The following DNAJC1 variants were observed in gnomAD, a reference collection of about 807,000 sequenced individuals.
DNAJC1 encodes the protein DnaJ heat shock protein family (Hsp40) member C1.
Under a neutral mutation model 76.6 loss-of-function variants are expected in DNAJC1, and 58 were observed. The ratio of observed to expected loss-of-function variants is 0.76; its 90% CI spans 0.61 to 0.94. The LOEUF is 0.94. Among genes scored for constraint, DNAJC1 ranks in the 40% least tolerant of loss-of-function variants. The probability of loss-of-function intolerance (pLI) is 0.00; values close to 1 mark genes in which losing one functional copy is unlikely to be tolerated. For missense variants in DNAJC1, 689 were observed against 677.3 expected (o/e 1.02, Z -0.19); for synonymous variants, 258 against 267.9 (o/e 0.96, Z 0.36).
At chr10:21,762,656 C>G (rs1405467350) in intron 10 of DNAJC1, among the ~76,000 whole-genome samples, 1 of 152,184 alleles carries the variant, frequency 6.6e-6, no homozygotes, top group Non-Finnish European at 1.5e-5. Context: ...GTCACCCAGG[C>G]TGGAGTGCAG....
At chr10:21,837,048 T>C (rs1369542046) in intron 8 of DNAJC1, among the ~76,000 whole-genome samples, 1 of 152,230 alleles carries the variant, frequency 6.6e-6, no homozygotes, top group African/African-American at 2.4e-5. Flanking sequence ...GTGCCTGGGA[T>C]TGCAGGCGTG....
chr10:21,996,642 A>G (rs1252003485), intron 1 of DNAJC1, among the ~76,000 whole-genome samples: 5 of 152,228 alleles, frequency 3.3e-5, no homozygotes, highest in African/African-American at 7.2e-5. Context: ...ATATTCTAAG[A>G]GTGTTCTCAT....
At chr10:21,838,180 A>T (rs1326144085) in intron 8 of DNAJC1, among the ~76,000 whole-genome samples, 1 of 152,190 alleles carries the variant, frequency 6.6e-6, no homozygotes. Context: ...TGTCGAATAG[A>T]AAAGGGGGAA....
intron 8 of DNAJC1, among the ~76,000 whole-genome samples, chr10:21,838,740 A>C (rs138342202): frequency 0.059 from 8,930 of 152,230 alleles, 533 homozygotes; most frequent in African/African-American, 0.15. Flanking sequence ...CAGCTCTTCA[A>C]CAAGCAGACC....
intron 1 of DNAJC1, among the ~76,000 whole-genome samples, chr10:21,994,515 G>A (rs771587828): frequency 4.6e-5 from 7 of 152,132 alleles, no homozygotes; most frequent in East Asian, 1.9e-4. Context: ...TTGGCCAGGC[G>A]CGGTGGCTCA....
In DNAJC1 at chr10:21,930,034, G is replaced by A. The variant is rs189348629; in HGVS notation, c.223-893C>T. ...TCTACCACCCAGGCTGGAGTGCGGC[G>A]GCACAATCTCAGCTCACTGCAACCT... On this transcript the variant is annotated intron_variant, in intron 1 of 11. Transcript: ENST00000376980. 7.2e-5 allele frequency among the ~76,000 whole-genome samples: 11 copies of A among 152,224 alleles called. No homozygotes were observed. The East Asian group carries it at 7.7e-4, about 11-fold the overall frequency.
intron 1 of DNAJC1, among the ~76,000 whole-genome samples, chr10:21,935,386 G>GA (rs532813502): frequency 2.0e-3 from 308 of 152,134 alleles, no homozygotes; most frequent in African/African-American, 7.2e-3. Flanking sequence ...TGAGTAGGCA[G>GA]AAGAAACAAT....
intron 8 of DNAJC1, among the ~76,000 whole-genome samples, chr10:21,882,064 G>A (rs1055324272): frequency 3.9e-5 from 6 of 152,088 alleles, no homozygotes; most frequent in African/African-American, 7.2e-5. Context: ...TAAGGCAGGC[G>A]AATGGCATGA....
At chr10:21,838,797 ATTC>A (rs1835518724) in intron 8 of DNAJC1, among the ~76,000 whole-genome samples, 1 of 152,280 alleles carries the variant, frequency 6.6e-6, no homozygotes, top group African/African-American at 2.4e-5. Flanking sequence ...CAGAATATAC[ATTC>A]TTTTCAGCAC....
chr10:21,807,516 G>T (rs2131642936), intron 8 of DNAJC1, among the ~76,000 whole-genome samples: 1 of 152,282 alleles, frequency 6.6e-6, no homozygotes, highest in South Asian at 2.1e-4. Flanking sequence ...CCCTGTTAAA[G>T]GGCTTTCCGA....
At chr10:21,963,375 G>A (rs1837834189) in intron 1 of DNAJC1, among the ~76,000 whole-genome samples, 2 of 152,100 alleles carry the variant, frequency 1.3e-5, no homozygotes, top group South Asian at 4.1e-4. Context: ...GGTGTGTAAG[G>A]AAAATAGAAT....
intron 9 of DNAJC1, among the ~76,000 whole-genome samples, chr10:21,776,460 T>A (rs1834455020): frequency 6.6e-6 from 1 of 152,228 alleles, no homozygotes; most frequent in Admixed American, 6.5e-5. Context: ...TTTTCATTTG[T>A]TAAATTTACT....
chr10:21,918,437 T>G (rs578145243), intron 6 of DNAJC1, among the ~76,000 whole-genome samples: 1 of 151,048 alleles, frequency 6.6e-6, no homozygotes, highest in African/African-American at 2.4e-5. Flanking sequence ...GGTGGCAAGC[T>G]ACTTGAATAC....
chr10:21,823,370 C>T (rs1199316714), intron 8 of DNAJC1, among the ~76,000 whole-genome samples: 1 of 152,170 alleles, frequency 6.6e-6, no homozygotes, highest in African/African-American at 2.4e-5. Context: ...ATGGATCAAA[C>T]CACAGCATGA....
At chr10:21,964,914 T>A (rs545224484) in intron 1 of DNAJC1, among the ~76,000 whole-genome samples, 1 of 152,298 alleles carries the variant, frequency 6.6e-6, no homozygotes, top group African/African-American at 2.4e-5. Flanking sequence ...TTGTAGATAA[T>A]CTGTCTTTTC....
At chr10:21,931,330 T>C (rs1432821720) in intron 1 of DNAJC1, among the ~76,000 whole-genome samples, 1 of 152,206 alleles carries the variant, frequency 6.6e-6, no homozygotes, top group Non-Finnish European at 1.5e-5. Flanking sequence ...ACACAAATAT[T>C]GCCTGACTAT....
Position 21,868,403 on chromosome 10 carries a change from G to A in DNAJC1, c.978+13879C>T, listed in dbSNP as rs1459592785. Among the ~76,000 whole-genome samples, 5 of 151,930 alleles carry A rather than the reference G, an allele frequency of 3.3e-5. No homozygotes were observed. The South Asian group carries it at 8.3e-4, about 25-fold the overall frequency. On this transcript the variant is annotated intron_variant, in intron 8 of 11. Transcript: ENST00000376980. ...CTCCCAAAGTGCTGCGATTACAGGCGTGAGCCACCATGCCCGGCCAAAAAT... is the reference window on the plus strand; with the variant it reads ...CTCCCAAAGTGCTGCGATTACAGGCATGAGCCACCATGCCCGGCCAAAAAT...
At chr10:21,999,338 CTT>C (rs1159603460) in intron 1 of DNAJC1, among the ~76,000 whole-genome samples, 1 of 151,688 alleles carries the variant, frequency 6.6e-6, no homozygotes, top group African/African-American at 2.4e-5. Flanking sequence ...ATCCCTTTGT[CTT>C]TGAAACACTT....
chr10:21,946,820 A>G (rs1302247868), intron 1 of DNAJC1, among the ~76,000 whole-genome samples: 1 of 152,214 alleles, frequency 6.6e-6, no homozygotes, highest in African/African-American at 2.4e-5. Context: ...TATGGTTTGA[A>G]TGTGTCCCCC....
Sources: gnomAD v4.1 joint callset for allele counts (sites outside exome capture counted in the v4.1 genomes callset) on GRCh38, gnomAD v4.1.1 for gene constraint, MANE v1.5 for transcripts, NCBI Gene and HGNC (gene_info 2026-07-23, HGNC 2026-07-21) for gene names.